Variants in SOX5 observed in about 807,000 individuals in gnomAD.
The protein encoded by SOX5 is SRY-box transcription factor 5, also known as transcription factor SOX-5.
In SOX5, 9 loss-of-function variants were observed where a neutral mutation model predicts 92.0. The ratio of observed to expected loss-of-function variants is 0.10; its 90% CI spans 0.06 to 0.17. SOX5 has a LOEUF of 0.17. Among genes scored for constraint, SOX5 ranks in the 10% least tolerant of loss-of-function variants. SOX5 has a pLI of 1.00. For synonymous variants in SOX5, 344 were observed against 336.3 expected, an observed-to-expected ratio of 1.02 and a Z score of -0.25; for missense variants, 642 against 944.5, an observed-to-expected ratio of 0.68 and a Z score of 4.20.
At chr12:24,170,074 C>G (rs1465129828) in intron 4 of SOX5, among the ~76,000 whole-genome samples, 2 of 152,050 alleles carry the variant, frequency 1.3e-5, no homozygotes, top group East Asian at 3.9e-4. Context: ...GGTTTCATAG[C>G]TTAAGATTGT....
chr12:24,521,582 T>C (rs537873356), intron 1 of SOX5, among the ~76,000 whole-genome samples: 5 of 152,260 alleles, frequency 3.3e-5, no homozygotes, highest in Admixed American at 1.3e-4. Context: ...TTGACAAATT[T>C]AAGAAAATCA....
At chr12:23,913,525 C>T (rs2097375010) in intron 1 of SOX5, among the ~76,000 whole-genome samples, 1 of 151,852 alleles carries the variant, frequency 6.6e-6, no homozygotes, top group Admixed American at 6.6e-5. Flanking sequence ...ATCACGAGGT[C>T]GGGAGTTCGA....
intron 1 of SOX5, among the ~76,000 whole-genome samples, chr12:24,448,123 A>G (rs1223309278): frequency 3.3e-5 from 5 of 152,138 alleles, no homozygotes; most frequent in Non-Finnish European, 7.4e-5. Context: ...CAGAGGTTGC[A>G]CTCCAGCATG....
intron 3 of SOX5, among the ~76,000 whole-genome samples, chr12:23,842,637 C>G (rs1367588917): frequency 6.6e-6 from 1 of 152,098 alleles, no homozygotes; most frequent in African/African-American, 2.4e-5. Context: ...CAATATCTTA[C>G]AGAGTCAGAA....
intron 4 of SOX5, among the ~76,000 whole-genome samples, chr12:24,206,951 G>A (rs1958084093): frequency 6.6e-6 from 1 of 152,172 alleles, no homozygotes; most frequent in Non-Finnish European, 1.5e-5. Flanking sequence ...GAACACCTGT[G>A]TCAGCTCCTA....
chr12:24,158,497 T>G (rs1339996039), intron 4 of SOX5, among the ~76,000 whole-genome samples: 1 of 152,024 alleles, frequency 6.6e-6, no homozygotes, highest in Non-Finnish European at 1.5e-5. Context: ...TTTCTTGGTA[T>G]GTCAAATCAC....
At chr12:24,535,383 T>C (rs1951551879) in intron 1 of SOX5, among the ~76,000 whole-genome samples, 1 of 152,240 alleles carries the variant, frequency 6.6e-6, no homozygotes. Flanking sequence ...AAAATCATGA[T>C]AAATTTGTTT....
chr12:23,969,476 T>C (rs1298512570), intron 4 of SOX5, among the ~76,000 whole-genome samples: 1 of 152,206 alleles, frequency 6.6e-6, no homozygotes, highest in African/African-American at 2.4e-5. Context: ...ACCTTCCTTA[T>C]TGCTACCACG....
intron 4 of SOX5, among the ~76,000 whole-genome samples, chr12:24,074,889 T>C (rs76669776): frequency 1.8e-4 from 27 of 148,428 alleles, no homozygotes; most frequent in African/African-American, 6.1e-4. Flanking sequence ...TGTTTTTTTG[T>C]TTGTTTGTTT....
At chr12:24,280,618 T>C (rs1049472707) in intron 2 of SOX5, among the ~76,000 whole-genome samples, 1 of 152,070 alleles carries the variant, frequency 6.6e-6, no homozygotes, top group Non-Finnish European at 1.5e-5. Flanking sequence ...TCAAGCCACA[T>C]TAAAGGGGAC....
chr12:24,337,075 A>C (rs1488187521), intron 2 of SOX5, among the ~76,000 whole-genome samples: 1 of 152,204 alleles, frequency 6.6e-6, no homozygotes, highest in Non-Finnish European at 1.5e-5. Context: ...TCAATGATTT[A>C]GGTGGCAAGG....
intron 1 of SOX5, among the ~76,000 whole-genome samples, chr12:24,472,583 G>T (rs1297402045): frequency 1.3e-5 from 2 of 152,068 alleles, no homozygotes; most frequent in Non-Finnish European, 2.9e-5. Flanking sequence ...GCCCCCAAAT[G>T]GTTAACATAA....
intron 1 of SOX5, among the ~76,000 whole-genome samples, chr12:24,389,908 T>C (rs939448073): frequency 1.3e-4 from 20 of 152,214 alleles, no homozygotes; most frequent in African/African-American, 4.1e-4. Flanking sequence ...TTTTTTATTG[T>C]AGCTATCCTA....
Position 23,695,712 on chromosome 12 carries a change from C to A in SOX5, c.811-30148G>T, listed in dbSNP as rs937987351. On this transcript the variant is annotated intron_variant, in intron 6 of 14. Coordinates refer to ENST00000451604, the MANE Select transcript of SOX5 (RefSeq NM_006940.6). ...ATCCCAGCACTTTGGGAGGCCAAGGCGAGTGGATCACGAGGTCAGGAGATC... is the reference window on the plus strand; with the variant it reads ...ATCCCAGCACTTTGGGAGGCCAAGGAGAGTGGATCACGAGGTCAGGAGATC... 7.2e-5 allele frequency among the ~76,000 whole-genome samples: 11 copies of A among 152,052 alleles called. No homozygotes were observed. The South Asian group carries it at 8.3e-4, about 11-fold the overall frequency.
intron 4 of SOX5, among the ~76,000 whole-genome samples, chr12:23,745,986 G>T (rs917424702): frequency 6.6e-6 from 1 of 152,080 alleles, no homozygotes; most frequent in Non-Finnish European, 1.5e-5. Context: ...GAATACAGCC[G>T]CTTCCCTTTA....
chr12:23,764,233 G>A (rs2094643237), intron 3 of SOX5, among the ~76,000 whole-genome samples: 2 of 151,940 alleles, frequency 1.3e-5, no homozygotes, highest in Admixed American at 1.3e-4. Flanking sequence ...TATTTTTGTT[G>A]TCCATCCATC....
At chr12:24,320,313 A>G (rs558384768) in intron 2 of SOX5, among the ~76,000 whole-genome samples, 1 of 152,152 alleles carries the variant, frequency 6.6e-6, no homozygotes, top group African/African-American at 2.4e-5. Flanking sequence ...CTCTTTACCA[A>G]GTTTTCCTTT....
At chr12:24,209,129 TTC>T (rs1455579360) in intron 4 of SOX5, among the ~76,000 whole-genome samples, 1 of 152,200 alleles carries the variant, frequency 6.6e-6, no homozygotes, top group Non-Finnish European at 1.5e-5. Context: ...AATATTTTGC[TTC>T]TAGTAATGCA....
chr12:24,205,613 T>G lies in SOX5; in HGVS notation c.-2+7730A>C, dbSNP rs548172280. Among the ~76,000 whole-genome samples, 3 of 152,294 alleles carry G rather than the reference T, an allele frequency of 2.0e-5. No homozygotes were observed. The South Asian group carries it at 6.2e-4, about 32-fold the overall frequency. ...TTCCTCATACCCATTGCATCCCACT[T>G]AGATAAGCAAGTTCTCACTCTGCCT... On this transcript the variant is annotated intron_variant, in intron 4 of 4. Coordinates refer to the SOX5 transcript ENST00000446891.
Sources: gnomAD v4.1 joint callset for allele counts (sites outside exome capture counted in the v4.1 genomes callset) on GRCh38, gnomAD v4.1.1 for gene constraint, MANE v1.5 for transcripts, NCBI Gene and HGNC (gene_info 2026-07-23, HGNC 2026-07-21) for gene names.